Variants in CHGA observed in about 807,000 individuals in gnomAD.
CHGA encodes chromogranin-A.
CHGA carries 41 observed loss-of-function variants against 54.4 expected under a neutral mutation model. That is an observed-to-expected ratio of 0.75 (90% CI 0.59 to 0.98). The LOEUF is 0.98. CHGA is among the 50% of genes least tolerant of loss of function. The pLI, the probability that CHGA is intolerant of heterozygous loss-of-function variation, is 0.00. For missense variants in CHGA, 576 were observed against 582.3 expected, an observed-to-expected ratio of 0.99 and a Z score of 0.11; for synonymous variants, 249 against 232.8, an observed-to-expected ratio of 1.07 and a Z score of -0.63.
In CHGA at chr14:92,926,692, C is replaced by A. The variant is rs751314415; in HGVS notation, c.181C>A (p.Arg61=). ...CAGCCAGGAATGTTTTGAGACACTC[C>A]GAGGAGGTATGAGCTGGAGGCTAGG... ...PVSQECFETL[R]GDERILSILR... The change falls in exon 3 of 8, where the codon CGA becomes AGA. Residue 61 remains arginine (R), a synonymous_variant. Coordinates refer to ENST00000216492, the MANE Select transcript of CHGA (RefSeq NM_001275.4). 1 of 1,613,738 alleles carries A rather than the reference C, an allele frequency of 6.2e-7. No homozygotes were observed. Among genetic ancestry groups the A allele is most frequent in the Non-Finnish European group, 8.5e-7 (1 of 1,179,932 alleles).
At chr14:92,924,356 C>T (rs1022988465) in intron 2 of CHGA, 111 bp downstream of exon 2, 6 of 1,041,326 alleles carry the variant, frequency 5.8e-6, no homozygotes, top group Admixed American at 3.1e-5. Flanking sequence ...GCCAGCACTG[C>T]GGCTGCTGAG....
chr14:92,932,562 A>C lies in CHGA; in HGVS notation c.1001A>C (p.Lys334Thr), dbSNP rs1887027488. The change falls in exon 7 of 8, where the codon AAG becomes ACG. Residue 334 changes from lysine to threonine, a missense_variant. Lys to Thr is a moderately conservative substitution (Grantham distance 78). Transcript: ENST00000216492. This position sits in a 1 kb window ranked among gnomAD's most constrained non-coding sequence, Gnocchi z 5.3. ...GAGCAGGAGGAGGAGCGGCTCTCCA[A>C]GGAGTGGGAGGACTCCAAACGCTGG... Reference protein sequence around the residue: ...ELEQEEERLSKEWEDSKRWSK... With the variant: ...ELEQEEERLSTEWEDSKRWSK... The C allele has an allele frequency of 6.4e-7, 1 of 1,558,364 alleles. No individual in the cohort carries two copies. The highest frequency in any genetic ancestry group is 8.7e-7 in the Non-Finnish European group (1 of 1,151,104).
chr14:92,925,605 C>A (rs905939887), intron 2 of CHGA, among the ~76,000 whole-genome samples: 1 of 152,186 alleles, frequency 6.6e-6, no homozygotes, highest in East Asian at 1.9e-4. Flanking sequence ...AGCCTCCCAC[C>A]CCCTCACTCC....
chr14:92,932,167 G>C lies in CHGA; in HGVS notation c.809-203G>C. On this transcript the variant is annotated intron_variant, in intron 6 of 7. Coordinates refer to ENST00000216492, the MANE Select transcript of CHGA (RefSeq NM_001275.4). This position sits in a 1 kb window ranked among gnomAD's most constrained non-coding sequence, Gnocchi z 5.3. The stretch of plus-strand genomic sequence containing the variant: ...CGGGCTTCTGGGGTGAGGATGAGGG[G>C]AAGAGGCAGGCTCCAGCTAACCCAC... The C allele has an allele frequency of 3.2e-6, 2 of 621,682 alleles. No homozygotes were observed. Among genetic ancestry groups the C allele is most frequent in the Non-Finnish European group, 5.3e-6 (2 of 380,208 alleles). 38.5% of individuals were successfully genotyped at this position (621,682 alleles called of 1,614,324 possible). A position where few individuals can be genotyped will look rare whatever the true frequency, so the allele number is the denominator to read the frequency against.
chr14:92,925,020 G>C (rs575901451), intron 2 of CHGA, among the ~76,000 whole-genome samples: 1 of 152,308 alleles, frequency 6.6e-6, no homozygotes, highest in East Asian at 1.9e-4. Context: ...CCATCCAAGA[G>C]ATTCCAACCT....
chr14:92,930,678 C>A (rs914098058), intron 5 of CHGA, among the ~76,000 whole-genome samples: 1 of 152,204 alleles, frequency 6.6e-6, no homozygotes, highest in Non-Finnish European at 1.5e-5. Flanking sequence ...CACCTTTCAC[C>A]AGAGTCCTGG....
chr14:92,925,005 C>T (rs1326897729), intron 2 of CHGA, among the ~76,000 whole-genome samples: 1 of 152,194 alleles, frequency 6.6e-6, no homozygotes, highest in Non-Finnish European at 1.5e-5. Context: ...CAGTTAAAAT[C>T]CAAACCATCC....
chr14:92,930,097 G>A (rs900614983), intron 5 of CHGA, among the ~76,000 whole-genome samples: 17 of 152,220 alleles, frequency 1.1e-4, no homozygotes, highest in Non-Finnish European at 2.2e-4. Flanking sequence ...GAGATCTCTG[G>A]CATGGCAGGT....
intron 7 of CHGA, among the ~76,000 whole-genome samples, chr14:92,933,653 C>T (rs983804820): frequency 6.6e-6 from 1 of 152,188 alleles, no homozygotes; most frequent in African/African-American, 2.4e-5. Context: ...TCTCTGCCCA[C>T]CTAGAAGAGG....
chr14:92,929,766 T>G lies in CHGA; in HGVS notation c.306T>G (p.Asp102Glu), dbSNP rs1327908439. 3 of 1,613,638 alleles carry G rather than the reference T, an allele frequency of 1.9e-6. No homozygotes were observed. The highest frequency in any genetic ancestry group is 3.3e-5 in the Admixed American group (2 of 59,996). The change falls in exon 5 of 8, where the codon GAT (aspartate) becomes GAG (glutamate). Residue 102 changes from aspartate to glutamate, a missense_variant. By Grantham distance (45) the Asp-to-Glu change is conservative. Transcript: ENST00000216492. ...HQQKKHSGFE[D>E]ELSEVLENQS... is the part of the protein sequence containing the mutation. ...AGAAGAAACACAGCGGTTTTGAAGATGAACTCTCAGAGGTTCTTGAGAACC... is the reference window on the plus strand; with the variant it reads ...AGAAGAAACACAGCGGTTTTGAAGAGGAACTCTCAGAGGTTCTTGAGAACC...
rs1487608477 is a variant in CHGA at position 92,929,942 on chromosome 14, CAAATGGGG to C, written c.355+131_355+138del. On this transcript the variant is annotated intron_variant, in intron 5 of 7. Coordinates refer to ENST00000216492, the MANE Select transcript of CHGA (RefSeq NM_001275.4). ...ATAATCCCTTATTTCCCTCTCTCTA[CAAATGGGG>C]AAACTGCTGCTCAGAGAGACTAGGT... is the stretch of plus-strand genomic sequence containing the variant. The C allele has an allele frequency of 5.6e-6, 4 of 719,438 alleles. No individual in the cohort carries two copies. In the East Asian group the frequency reaches 1.1e-4, roughly 19 times the overall value. 44.6% of individuals were successfully genotyped at this position (719,438 alleles called of 1,614,324 possible). A position where few individuals can be genotyped will look rare whatever the true frequency, so the allele number is the denominator to read the frequency against.
At chr14:92,927,273 A>G (rs1340798778) in intron 3 of CHGA, among the ~76,000 whole-genome samples, 1 of 152,200 alleles carries the variant, frequency 6.6e-6, no homozygotes, top group Non-Finnish European at 1.5e-5. Flanking sequence ...AACCTGTTGT[A>G]TTTAAAGAGA....
intron 3 of CHGA, among the ~76,000 whole-genome samples, chr14:92,927,107 T>C (rs1037213795): frequency 1.3e-5 from 2 of 152,234 alleles, no homozygotes; most frequent in Admixed American, 6.5e-5. Flanking sequence ...GGACGAAATC[T>C]TTCCAGGCAA....
At chr14:92,927,770 A>G (rs1396570639) in intron 4 of CHGA, 152 bp downstream of exon 4, 5 of 675,212 alleles carry the variant, frequency 7.4e-6, no homozygotes, top group Middle Eastern at 3.4e-4. Context: ...CACCTGGCTC[A>G]ATCTGTTATT....
At chr14:92,925,850 AT>A (rs1886876860) in intron 2 of CHGA, among the ~76,000 whole-genome samples, 1 of 152,218 alleles carries the variant, frequency 6.6e-6, no homozygotes, top group Non-Finnish European at 1.5e-5. Context: ...CTTCTCCAAG[AT>A]CACACAGCTA....
chr14:92,931,516 C>G lies in CHGA; in HGVS notation c.622C>G (p.Gln208Glu). 1 of 1,612,778 alleles carries G rather than the reference C, an allele frequency of 6.2e-7. No individual in the cohort carries two copies. ...CGAGGGGGACAGTGAGGGCCTCTCT[C>G]AGGGTCTGGTGGACAGAGAGAAGGG... ...QAEGDSEGLS[Q>E]GLVDREKGLS... The change falls in exon 6 of 8, where the codon CAG (glutamine) becomes GAG (glutamate). Residue 208 changes from glutamine (Q) to glutamate (E), a missense_variant. By Grantham distance (29) the Gln-to-Glu change is conservative (BLOSUM62 2). Transcript: ENST00000216492.
chr14:92,930,459 G>A (rs1886972710), intron 5 of CHGA, among the ~76,000 whole-genome samples: 1 of 152,210 alleles, frequency 6.6e-6, no homozygotes, highest in Admixed American at 6.5e-5. Context: ...GGGCTGAAAG[G>A]GAAAGCCCGC....
intron 2 of CHGA, among the ~76,000 whole-genome samples, chr14:92,924,673 A>G (rs1886852799): frequency 6.6e-6 from 1 of 152,184 alleles, no homozygotes; most frequent in African/African-American, 2.4e-5. Flanking sequence ...TGCCAGTAAC[A>G]ACCCACACCC....
In CHGA at chr14:92,924,256, G is replaced by T; in HGVS notation, c.93+11G>T. 1 of 1,610,932 alleles carries T rather than the reference G, an allele frequency of 6.2e-7. No individual in the cohort carries two copies. Reference sequence around the variant, plus strand: ...AAAGGGGATACCGAGGTAAGAAGGGGTGCTGGGGATGAGGGGTAGGAGGCT... The same window carrying T: ...AAAGGGGATACCGAGGTAAGAAGGGTTGCTGGGGATGAGGGGTAGGAGGCT... On this transcript the variant is annotated intron_variant, in intron 2 of 7. Coordinates refer to ENST00000216492, the MANE Select transcript of CHGA (RefSeq NM_001275.4).
Sources: gnomAD v4.1 joint callset for allele counts (sites outside exome capture counted in the v4.1 genomes callset) on GRCh38, gnomAD v4.1.1 for gene constraint, Gnocchi (gnomAD v3.1) non-coding constraint, MANE v1.5 for transcripts, NCBI Gene and HGNC (gene_info 2026-07-23, HGNC 2026-07-21) for gene names.